The following TRPM3 variants were observed in gnomAD, a reference collection of about 807,000 sequenced individuals.
TRPM3 encodes the protein long transient receptor potential channel 3.
A neutral mutation model predicts 181.2 loss-of-function variants in TRPM3; 77 were observed. The ratio of observed to expected loss-of-function variants is 0.42; its 90% CI spans 0.35 to 0.51. The LOEUF is 0.51. Among genes scored for constraint, TRPM3 ranks in the 20% least tolerant of loss-of-function variants. The pLI is 0.01. For missense variants in TRPM3, 1,759 were observed against 2,196.7 expected (o/e 0.80, Z 3.98); for synonymous variants, 745 against 796.4 (o/e 0.94, Z 1.09).
intron 1 of TRPM3, among the ~76,000 whole-genome samples, chr9:71,363,084 G>T (rs995031626): frequency 6.6e-6 from 1 of 152,194 alleles, no homozygotes; most frequent in African/African-American, 2.4e-5. Context: ...TCGTTTTACT[G>T]TCTGTACTAA....
chr9:70,566,430 G>A (rs745845536), intron 22 of TRPM3, among the ~76,000 whole-genome samples: 52 of 152,242 alleles, frequency 3.4e-4, no homozygotes, highest in African/African-American at 1.2e-3. Flanking sequence ...AAAGAGCACC[G>A]AGAGGTGGGA....
At chr9:71,380,670 T>C (rs1049164542) in intron 1 of TRPM3, among the ~76,000 whole-genome samples, 2 of 152,056 alleles carry the variant, frequency 1.3e-5, no homozygotes, top group Non-Finnish European at 2.9e-5. Flanking sequence ...ATCTTAAACA[T>C]AAAATAAAAG....
At chr9:70,884,431 C>G (rs948192643) in intron 1 of TRPM3, among the ~76,000 whole-genome samples, 3 of 152,202 alleles carry the variant, frequency 2.0e-5, no homozygotes, top group Non-Finnish European at 4.4e-5. Context: ...ACTAAATTAA[C>G]CATTCATCTG....
intron 8 of TRPM3, among the ~76,000 whole-genome samples, chr9:70,750,258 A>T (rs1737356395): frequency 6.6e-6 from 1 of 152,176 alleles, no homozygotes; most frequent in African/African-American, 2.4e-5. Context: ...GATGAAAGAA[A>T]GTATGGGAGT....
chr9:70,801,419 T>C (rs968238602), intron 6 of TRPM3, among the ~76,000 whole-genome samples: 2 of 152,136 alleles, frequency 1.3e-5, no homozygotes, highest in African/African-American at 2.4e-5. Context: ...GAAATGAAGC[T>C]CCAGGGAAGG....
At chr9:70,921,784 C>T (rs1294299858) in intron 1 of TRPM3, among the ~76,000 whole-genome samples, 3 of 152,062 alleles carry the variant, frequency 2.0e-5, no homozygotes, top group Admixed American at 6.6e-5. Flanking sequence ...TATAGAGAGG[C>T]CCACATGTCA....
intron 1 of TRPM3, among the ~76,000 whole-genome samples, chr9:71,011,173 G>A (rs985605571): frequency 2.6e-5 from 4 of 152,086 alleles, no homozygotes; most frequent in Non-Finnish European, 4.4e-5. Flanking sequence ...ATAGAAGATG[G>A]GGAATGGGAG....
chr9:71,069,589 A>G (rs1226346341), intron 1 of TRPM3, among the ~76,000 whole-genome samples: 1 of 150,798 alleles, frequency 6.6e-6, no homozygotes, highest in Non-Finnish European at 1.5e-5. Context: ...GAGGGCCTGT[A>G]TGCCAAAATT....
chr9:70,592,047 C>T (rs565123945), intron 21 of TRPM3, among the ~76,000 whole-genome samples: 1 of 152,250 alleles, frequency 6.6e-6, no homozygotes, highest in South Asian at 2.1e-4. Flanking sequence ...TCCTTCTTTC[C>T]ATGATGTATG....
intron 1 of TRPM3, among the ~76,000 whole-genome samples, chr9:71,119,354 C>G (rs1460895144): frequency 1.3e-5 from 2 of 152,050 alleles, no homozygotes; most frequent in African/African-American, 2.4e-5. Flanking sequence ...TAAGATTGAG[C>G]TGTATGCCAA....
intron 1 of TRPM3, among the ~76,000 whole-genome samples, chr9:70,932,936 A>G (rs2096789598): frequency 6.6e-6 from 1 of 152,196 alleles, no homozygotes; most frequent in African/African-American, 2.4e-5. Flanking sequence ...TTGATGACAG[A>G]AGAGATGGTG....
chr9:71,339,816 G>T (rs927043229), intron 1 of TRPM3, among the ~76,000 whole-genome samples: 1 of 151,940 alleles, frequency 6.6e-6, no homozygotes, highest in African/African-American at 2.4e-5. Context: ...GAACTTTCCT[G>T]GTGAACACAT....
intron 20 of TRPM3, among the ~76,000 whole-genome samples, chr9:70,602,895 T>G (rs776009616): frequency 1.2e-4 from 19 of 152,040 alleles, no homozygotes; most frequent in Non-Finnish European, 2.2e-4. Flanking sequence ...TGTTAAGAAA[T>G]AAACCAGAGA....
intron 6 of TRPM3, among the ~76,000 whole-genome samples, chr9:70,790,807 G>T (rs868550677): frequency 6.6e-6 from 1 of 152,064 alleles, no homozygotes; most frequent in East Asian, 1.9e-4. Flanking sequence ...AGTTTAAGGT[G>T]CTTCTTACAA....
intron 1 of TRPM3, among the ~76,000 whole-genome samples, chr9:71,133,751 T>A (rs892541166): frequency 6.6e-6 from 1 of 152,206 alleles, no homozygotes; most frequent in African/African-American, 2.4e-5. Context: ...TACAAGAAAT[T>A]TTTAACATTT....
At chr9:70,570,302 G>GTTTTTTTTTTTTTTTTTTTTTTTTT in intron 22 of TRPM3, among the ~76,000 whole-genome samples, 1 of 68,376 alleles carries the variant, frequency 1.5e-5, no homozygotes, top group Non-Finnish European at 2.5e-5. Flanking sequence ...TATTACTAGA[G>GTTTTTTTTTTTTTTTTTTTTTTTTT]TTTTTTTTTT....
chr9:71,194,747 C>A, intron 1 of TRPM3, among the ~76,000 whole-genome samples: 1 of 151,608 alleles, frequency 6.6e-6, no homozygotes, highest in Admixed American at 6.6e-5. Flanking sequence ...CAACTGGTTC[C>A]ACTACAGTAC....
chr9:70,773,999 CTA>C (rs1353065388), intron 7 of TRPM3: 1 of 152,162 alleles, frequency 6.6e-6, no homozygotes, highest in Non-Finnish European at 1.5e-5. Context: ...CTCCAAATTC[CTA>C]TCTTTGCCTC....
chr9:71,274,749 T>C (rs1344442228), intron 1 of TRPM3, among the ~76,000 whole-genome samples: 3 of 152,262 alleles, frequency 2.0e-5, no homozygotes, highest in Non-Finnish European at 4.4e-5. Flanking sequence ...ATGCAAGGCA[T>C]GCCACTTTAT....
Sources: allele counts gnomAD v4.1 joint callset (sites outside exome capture counted in the v4.1 genomes callset), GRCh38; gene constraint gnomAD v4.1.1; transcripts MANE v1.5; gene names NCBI Gene and HGNC (gene_info 2026-07-23, HGNC 2026-07-21).